The following ANKRD31 variants were observed in gnomAD, a reference collection of about 807,000 sequenced individuals.
ANKRD31 encodes the protein ankyrin repeat domain 31, also known as ankyrin repeat domain-containing protein 31.
Under a neutral mutation model 186.0 loss-of-function variants are expected in ANKRD31, and 147 were observed. The observed-to-expected ratio is 0.79, with a 90% CI of 0.69 to 0.91. The LOEUF (loss-of-function observed/expected upper bound fraction) is 0.91, where lower values mean the gene tolerates loss of function less well. Ranked by LOEUF, ANKRD31 falls within the 40% of genes least tolerant of loss-of-function variation. The probability of loss-of-function intolerance (pLI) is 0.00; values close to 1 mark genes in which losing one functional copy is unlikely to be tolerated. For missense variants in ANKRD31, 1,986 were observed against 2,148.8 expected (o/e 0.92, Z 1.50); for synonymous variants, 673 against 736.4 (o/e 0.91, Z 1.39).
At chr5:75,101,214 G>T (rs185196184) in intron 22 of ANKRD31, among the ~76,000 whole-genome samples, 2 of 152,100 alleles carry the variant, frequency 1.3e-5, no homozygotes, top group East Asian at 1.9e-4. Flanking sequence ...GAAATTCTGG[G>T]TTGAAAATTC....
At chr5:75,194,720 A>G (rs1235747542) in intron 7 of ANKRD31, among the ~76,000 whole-genome samples, 2 of 152,132 alleles carry the variant, frequency 1.3e-5, no homozygotes, top group East Asian at 3.8e-4. Flanking sequence ...ATTTGCTGAC[A>G]TTGAAAGATA....
At chr5:75,098,294 C>G (rs1746503686) in intron 22 of ANKRD31, among the ~76,000 whole-genome samples, 2 of 152,132 alleles carry the variant, frequency 1.3e-5, no homozygotes, top group South Asian at 4.1e-4. Context: ...GCCTATATCT[C>G]TGTTTTGGTA....
chr5:75,204,055 T>G (rs1487590195), intron 5 of ANKRD31, among the ~76,000 whole-genome samples: 2 of 152,218 alleles, frequency 1.3e-5, no homozygotes, highest in African/African-American at 2.4e-5. Flanking sequence ...ACTAAACTTC[T>G]ATATCTAAGA....
chr5:75,175,574 T>C (rs1417838522), intron 10 of ANKRD31, among the ~76,000 whole-genome samples: 3 of 151,968 alleles, frequency 2.0e-5, no homozygotes, highest in Non-Finnish European at 4.4e-5. Flanking sequence ...TCTGGGATAG[T>C]GTATCTGTCA....
chr5:75,170,311 C>A (rs1178793540), intron 10 of ANKRD31, among the ~76,000 whole-genome samples: 2 of 151,960 alleles, frequency 1.3e-5, no homozygotes, highest in Non-Finnish European at 2.9e-5. Context: ...TGAAAAAATA[C>A]TGCAAAGACA....
chr5:75,223,927 T>C (rs1461778231), intron 2 of ANKRD31, among the ~76,000 whole-genome samples: 1 of 151,774 alleles, frequency 6.6e-6, no homozygotes, highest in African/African-American at 2.4e-5. Flanking sequence ...GTAGCAGCCA[T>C]CCGCACAATC....
chr5:75,143,334 G>C (rs1320230895), intron 15 of ANKRD31, among the ~76,000 whole-genome samples: 1 of 152,096 alleles, frequency 6.6e-6, no homozygotes, highest in Non-Finnish European at 1.5e-5. Flanking sequence ...ACAAACTACA[G>C]GGATTAGGAC....
intron 8 of ANKRD31, among the ~76,000 whole-genome samples, chr5:75,193,008 C>G (rs1454046297): frequency 6.6e-6 from 1 of 152,078 alleles, no homozygotes; most frequent in African/African-American, 2.4e-5. Flanking sequence ...GGTTTCTCTT[C>G]TTTAGGATTA....
Position 75,146,448 on chromosome 5 carries a change from T to G in ANKRD31, c.2963A>C (p.Asn988Thr). 6.5e-7 allele frequency: 1 copy of G among 1,536,442 alleles called. No homozygotes were observed. The highest frequency in any genetic ancestry group is 8.7e-7 in the Non-Finnish European group (1 of 1,146,460). The change falls in exon 14 of 26, where the codon AAT (asparagine) becomes ACT (threonine). Residue 988 changes from asparagine (N) to threonine (T), a missense_variant. Asn to Thr is a moderately conservative substitution (Grantham distance 65, BLOSUM62 0). Coordinates refer to ENST00000506364, the MANE Select transcript of ANKRD31 (RefSeq NM_001372053.1). Reference sequence around the variant, plus strand: ...AGGTCCAAATATGCATTGTTCATAATTTGCAACATGTTCAGAAATAACTGC... The same window carrying G: ...AGGTCCAAATATGCATTGTTCATAAGTTGCAACATGTTCAGAAATAACTGC... Reference protein sequence around the residue: ...DNAVISEHVANYEQCIFGPSF... With the variant: ...DNAVISEHVATYEQCIFGPSF...
chr5:75,192,919 G>A (rs565934994), intron 8 of ANKRD31, 143 bp from the exon 9 acceptor site: 83 of 656,462 alleles, frequency 1.3e-4, no homozygotes, highest in Non-Finnish European at 1.8e-4. Context: ...TTTTAAATAC[G>A]GAGATGGCTC....
chr5:75,084,149 G>A (rs1489127004), intron 24 of ANKRD31, 123 bp downstream of exon 24: 1 of 736,750 alleles, frequency 1.4e-6, no homozygotes, highest in Non-Finnish European at 2.2e-6. Context: ...CCTTGAAATA[G>A]TTAATTATAA....
At chr5:75,076,367 T>C (rs561273810) in intron 25 of ANKRD31, among the ~76,000 whole-genome samples, 3 of 152,290 alleles carry the variant, frequency 2.0e-5, no homozygotes, top group African/African-American at 7.2e-5. Flanking sequence ...AATAATTGGA[T>C]AGAATGACTC....
At chr5:75,088,672 A>T (rs1164282896) in intron 23 of ANKRD31, among the ~76,000 whole-genome samples, 4 of 152,166 alleles carry the variant, frequency 2.6e-5, no homozygotes, top group Non-Finnish European at 4.4e-5. Context: ...TACAGAAAAG[A>T]ATGTACAGGG....
At chr5:75,201,332 T>A (rs1755811844) in intron 5 of ANKRD31, among the ~76,000 whole-genome samples, 1 of 152,222 alleles carries the variant, frequency 6.6e-6, no homozygotes. Context: ...TTTAGAATTA[T>A]TCCTGTCAAC....
chr5:75,158,139 G>A (rs1258896976), intron 11 of ANKRD31, among the ~76,000 whole-genome samples: 2 of 152,118 alleles, frequency 1.3e-5, no homozygotes, highest in Non-Finnish European at 2.9e-5. Context: ...TGAGTTACTG[G>A]TCCCTGGCTA....
chr5:75,216,914 T>TA (rs1435372065), intron 3 of ANKRD31, among the ~76,000 whole-genome samples: 1 of 152,156 alleles, frequency 6.6e-6, no homozygotes, highest in African/African-American at 2.4e-5. Context: ...GAGATTCTGG[T>TA]ATGTTGTGTC....
At chr5:75,229,831 C>A (rs1446532832) in intron 2 of ANKRD31, among the ~76,000 whole-genome samples, 1 of 135,178 alleles carries the variant, frequency 7.4e-6, no homozygotes, top group Non-Finnish European at 1.5e-5. Flanking sequence ...TGCCACTGCA[C>A]TCCAGCCTGG....
At chr5:75,105,300 T>C (rs188784718) in intron 21 of ANKRD31, 82 bp from the exon 22 acceptor site, 1 of 1,330,408 alleles carries the variant, frequency 7.5e-7, no homozygotes, top group African/African-American at 1.5e-5. Context: ...TAAAGATACT[T>C]TGTCTCCAAA....
rs528168997 is a variant in ANKRD31 at position 75,186,970 on chromosome 5, C to T, written c.1564+1523G>A. 9.2e-5 allele frequency among the ~76,000 whole-genome samples: 14 copies of T among 151,686 alleles called. 1 individual carries two copies. The South Asian group carries it at 2.3e-3, about 25-fold the overall frequency. ...AAACGCTCACTACATTGAACTAACA[C>T]GATAGAGGTCATATAGCTGAGAGAG... On this transcript the variant is annotated intron_variant, in intron 10 of 25. Transcript: ENST00000506364.
Sources: gnomAD v4.1 joint callset for allele counts (sites outside exome capture counted in the v4.1 genomes callset) on GRCh38, gnomAD v4.1.1 for gene constraint, MANE v1.5 for transcripts, NCBI Gene and HGNC (gene_info 2026-07-23, HGNC 2026-07-21) for gene names.